SLC9A9: variants seen among roughly 807,000 people sequenced by gnomAD.
SLC9A9 encodes the protein solute carrier family 9 member A9.
SLC9A9 carries 62 observed loss-of-function variants against 77.8 expected under a neutral mutation model. That is an observed-to-expected ratio of 0.80 (90% CI 0.65 to 0.98). The LOEUF is 0.98. Among genes scored for constraint, SLC9A9 ranks in the 50% least tolerant of loss-of-function variants. The probability of loss-of-function intolerance (pLI) is 0.00; values close to 1 mark genes in which losing one functional copy is unlikely to be tolerated. For synonymous variants in SLC9A9, 320 were observed against 283.5 expected, an observed-to-expected ratio of 1.13 and a Z score of -1.29; for missense variants, 775 against 774.9, an observed-to-expected ratio of 1.00 and a Z score of 0.00.
chr3:143,364,864 AAC>A (rs1228093293), intron 13 of SLC9A9, among the ~76,000 whole-genome samples: 2 of 152,192 alleles, frequency 1.3e-5, no homozygotes, highest in Non-Finnish European at 2.9e-5. Flanking sequence ...CATTTTTCCA[AAC>A]AGTGTCCCCT....
chr3:143,355,027 G>A (rs1237622425), intron 14 of SLC9A9, among the ~76,000 whole-genome samples: 2 of 152,176 alleles, frequency 1.3e-5, no homozygotes, highest in East Asian at 1.9e-4. Flanking sequence ...AAATAACTGA[G>A]ATGATGGACT....
At chr3:143,320,254 T>C (rs1452336044) in intron 14 of SLC9A9, among the ~76,000 whole-genome samples, 2 of 152,264 alleles carry the variant, frequency 1.3e-5, no homozygotes, top group African/African-American at 2.4e-5. Context: ...AGTTGCTCAA[T>C]GAATACTGTT....
intron 6 of SLC9A9, among the ~76,000 whole-genome samples, chr3:143,582,832 T>C (rs2037479499): frequency 6.6e-6 from 1 of 152,180 alleles, no homozygotes; most frequent in Admixed American, 6.5e-5. Flanking sequence ...CTCTGGCTTC[T>C]AGTAAGAAAT....
chr3:143,396,418 G>T (rs1410074641), intron 12 of SLC9A9, among the ~76,000 whole-genome samples: 1 of 152,212 alleles, frequency 6.6e-6, no homozygotes, highest in African/African-American at 2.4e-5. Flanking sequence ...GACACAGGAA[G>T]CGGAACATCA....
chr3:143,838,787 T>C (rs895668866), intron 1 of SLC9A9, among the ~76,000 whole-genome samples: 1 of 152,158 alleles, frequency 6.6e-6, no homozygotes, highest in African/African-American at 2.4e-5. Flanking sequence ...GGGATTCAAA[T>C]GTGAGCATAA....
At chr3:143,844,414 C>T (rs902946242) in intron 1 of SLC9A9, among the ~76,000 whole-genome samples, 4 of 152,114 alleles carry the variant, frequency 2.6e-5, no homozygotes, top group Admixed American at 2.0e-4. Context: ...GGCAGAAAAG[C>T]AGATGGCAGA....
chr3:143,714,631 C>T lies in SLC9A9; in HGVS notation c.534-21324G>A, dbSNP rs1177168999. On this transcript the variant is annotated intron_variant, in intron 4 of 15. Transcript: ENST00000316549. Reference sequence around the variant, plus strand: ...GACTTCCCATTACTAGTACGTCAAACGCCAAAATACTTAACATGGTTATGC... The same window carrying T: ...GACTTCCCATTACTAGTACGTCAAATGCCAAAATACTTAACATGGTTATGC... Among the ~76,000 whole-genome samples, 6 of 152,172 alleles carry T rather than the reference C, an allele frequency of 3.9e-5. No individual in the cohort carries two copies. The South Asian group carries it at 8.3e-4, about 21-fold the overall frequency.
At position 143,402,108 on chromosome 3, in the gene SLC9A9, T is replaced by C. The variant is rs1187736249; in HGVS notation, c.1470-19994A>G. ...ATGATCGCACCCTACCATGTCATTT[T>C]AAAGATAAGAACACTGAGACCCACA... On this transcript the variant is annotated intron_variant, in intron 12 of 15. Coordinates refer to ENST00000316549, the MANE Select transcript of SLC9A9 (RefSeq NM_173653.4). Among the ~76,000 whole-genome samples the C allele has an allele frequency of 2.0e-5, 3 of 152,194 alleles. No individual in the cohort carries two copies. The East Asian group carries it at 5.8e-4, about 29-fold the overall frequency.
intron 4 of SLC9A9, among the ~76,000 whole-genome samples, chr3:143,770,660 C>G (rs1053453008): frequency 2.2e-4 from 34 of 152,036 alleles, no homozygotes; most frequent in Non-Finnish European, 2.8e-4. Flanking sequence ...CTGGGAGAAG[C>G]CTTTCTGAGA....
chr3:143,266,577 A>T lies in SLC9A9; in HGVS notation c.*125T>A. ...AGAGGATCCATGTGACAAGGCTTTG[A>T]TTCTCTCCAATTTATGCTCTTAATA... is the stretch of plus-strand genomic sequence containing the variant. On this transcript the variant is annotated 3_prime_UTR_variant, in exon 16 of 16. Coordinates refer to ENST00000316549, the MANE Select transcript of SLC9A9 (RefSeq NM_173653.4). The T allele has an allele frequency of 4.4e-6, 4 of 913,468 alleles. No individual in the cohort carries two copies. The highest frequency in any genetic ancestry group is 7.0e-6 in the Non-Finnish European group (4 of 570,420). The allele number at this position is 913,468 out of a possible 1,614,324, so 56.6% of individuals were successfully genotyped here.
chr3:143,399,241 T>C (rs556714695), intron 12 of SLC9A9, among the ~76,000 whole-genome samples: 1 of 152,194 alleles, frequency 6.6e-6, no homozygotes, highest in African/African-American at 2.4e-5. Context: ...GCATGACACA[T>C]AAAAAGAGAA....
At position 143,431,958 on chromosome 3, in the gene SLC9A9, A is replaced by G. The variant is rs566752280; in HGVS notation, c.1469+35079T>C. On this transcript the variant is annotated intron_variant, in intron 12 of 15. Coordinates refer to ENST00000316549, the MANE Select transcript of SLC9A9 (RefSeq NM_173653.4). Reference sequence around the variant, plus strand: ...TTCCTCCTCCCAGTCTTTACTCAAGAGATAACTTCTCAGTGAGGCCTACTT... The same window carrying G: ...TTCCTCCTCCCAGTCTTTACTCAAGGGATAACTTCTCAGTGAGGCCTACTT... Among the ~76,000 whole-genome samples the G allele has an allele frequency of 2.0e-5, 3 of 152,260 alleles. 1 individual carries two copies. The South Asian group carries it at 6.2e-4, about 32-fold the overall frequency.
intron 2 of SLC9A9, among the ~76,000 whole-genome samples, chr3:143,830,956 T>G (rs925975545): frequency 2.6e-5 from 4 of 152,170 alleles, no homozygotes; most frequent in African/African-American, 9.7e-5. Flanking sequence ...TATAATTAGT[T>G]TGACTTTCCT....
intron 6 of SLC9A9, 86 bp downstream of exon 6, chr3:143,652,169 C>T (rs1012196453): frequency 1.6e-5 from 18 of 1,097,164 alleles, no homozygotes; most frequent in African/African-American, 1.6e-4. Flanking sequence ...AGAGACTGCC[C>T]GTATCTCTGT....
chr3:143,624,765 G>A lies in SLC9A9; in HGVS notation c.755+27490C>T, dbSNP rs192304489. On this transcript the variant is annotated intron_variant, in intron 6 of 15. Coordinates refer to ENST00000316549, the MANE Select transcript of SLC9A9 (RefSeq NM_173653.4). ...AACAGAGTGTTGGAAGTTCTGGCCA[G>A]GGCAATCAGGCAGGAGAAAGAAATA... Among the ~76,000 whole-genome samples the A allele has an allele frequency of 2.0e-4, 30 of 152,258 alleles. No homozygotes were observed. The East Asian group carries it at 5.6e-3, about 28-fold the overall frequency.
chr3:143,332,681 C>T (rs2031810895), intron 14 of SLC9A9, among the ~76,000 whole-genome samples: 1 of 152,160 alleles, frequency 6.6e-6, no homozygotes, highest in Non-Finnish European at 1.5e-5. Flanking sequence ...GGGTTGAGAT[C>T]CACTTGTCTG....
intron 4 of SLC9A9, among the ~76,000 whole-genome samples, chr3:143,763,896 C>A (rs868429628): frequency 5.3e-5 from 8 of 151,820 alleles, no homozygotes; most frequent in African/African-American, 1.5e-4. Context: ...TATTGAGAGT[C>A]TAATATGATA....
intron 4 of SLC9A9, among the ~76,000 whole-genome samples, chr3:143,755,210 A>G (rs897019681): frequency 7.9e-5 from 12 of 152,088 alleles, no homozygotes; most frequent in Admixed American, 7.2e-4. Context: ...TGCCAGGATG[A>G]TCCCCAGCAG....
intron 13 of SLC9A9, chr3:143,381,805 A>G (rs899459531): frequency 1.8e-5 from 9 of 506,626 alleles, no homozygotes; most frequent in Non-Finnish European, 3.2e-5. Context: ...GAGCCATCAT[A>G]TACTTTGTAA....
Sources: gnomAD v4.1 joint callset for allele counts (sites outside exome capture counted in the v4.1 genomes callset) on GRCh38, gnomAD v4.1.1 for gene constraint, MANE v1.5 for transcripts, NCBI Gene and HGNC (gene_info 2026-07-23, HGNC 2026-07-21) for gene names.